Variants in RALYL observed in about 807,000 individuals in gnomAD.
RALYL encodes RNA-binding Raly-like protein.
In RALYL, 29 loss-of-function variants were observed where a neutral mutation model predicts 35.1. The observed-to-expected ratio is 0.83, with a 90% CI of 0.61 to 1.13. RALYL has a LOEUF of 1.13. Among genes scored for constraint, RALYL ranks in the 50% most tolerant of loss-of-function variants. The pLI is 0.00. For missense variants in RALYL, 359 were observed against 360.4 expected, an observed-to-expected ratio of 1.00 and a Z score of 0.03; for synonymous variants, 120 against 127.6, an observed-to-expected ratio of 0.94 and a Z score of 0.40.
chr8:84,459,499 G>C (rs1158398136), intron 1 of RALYL, among the ~76,000 whole-genome samples: 2 of 151,718 alleles, frequency 1.3e-5, no homozygotes, highest in African/African-American at 4.8e-5. Flanking sequence ...AGGTCATGTT[G>C]AGGAGTTTAT....
chr8:84,914,140 A>C lies in RALYL; in HGVS notation c.859-6754A>C, dbSNP rs189501056. 3.8e-3 allele frequency among the ~76,000 whole-genome samples: 585 copies of C among 152,106 alleles called. 9 individuals carry two copies. Among genetic ancestry groups the C allele is most frequent in the Non-Finnish European group, 2.6e-3 (176 of 67,900 alleles). On this transcript the variant is annotated intron_variant, in intron 8 of 8. Transcript: ENST00000521268. Reference sequence around the variant, plus strand: ...ATAAAATGATTTTTAAAATATTTCTACTTGTAGTACTTGTAGTGCTAAAAT... The same window carrying C: ...ATAAAATGATTTTTAAAATATTTCTCCTTGTAGTACTTGTAGTGCTAAAAT...
rs113563064 is a variant in RALYL, at chr8:84,914,768, T to A, written c.859-6126T>A. On this transcript the variant is annotated intron_variant, in intron 8 of 8. Coordinates refer to ENST00000521268, the MANE Select transcript of RALYL (RefSeq NM_173848.7). ...AGTTCAAAACAGAACTTAAAAAAAATTTAGACAGAACTACTACAAATCAGG... is the reference window on the plus strand; with the variant it reads ...AGTTCAAAACAGAACTTAAAAAAAAATTAGACAGAACTACTACAAATCAGG... Among the ~76,000 whole-genome samples the A allele has an allele frequency of 5.9e-4, 89 of 152,104 alleles. 1 individual carries two copies. Among genetic ancestry groups the A allele is most frequent in the African/African-American group, 2.0e-3 (84 of 41,520 alleles).
chr8:84,881,651 G>A (rs1842189207), intron 7 of RALYL, among the ~76,000 whole-genome samples: 1 of 151,884 alleles, frequency 6.6e-6, no homozygotes, highest in African/African-American at 2.4e-5. Context: ...TATGAGGATT[G>A]GAATTTAATA....
At chr8:84,509,852 T>C (rs538948916) in intron 1 of RALYL, among the ~76,000 whole-genome samples, 2 of 152,294 alleles carry the variant, frequency 1.3e-5, no homozygotes, top group Non-Finnish European at 2.9e-5. Flanking sequence ...ATTTCTGAGC[T>C]CTCTATTCTG....
At chr8:84,747,652 CAAA>C (rs1808931014) in intron 2 of RALYL, among the ~76,000 whole-genome samples, 1 of 151,806 alleles carries the variant, frequency 6.6e-6, no homozygotes, top group South Asian at 2.1e-4. Context: ...TCAGATAACT[CAAA>C]TAAACTAAAG....
At chr8:84,765,475 A>G (rs77649440) in intron 2 of RALYL, among the ~76,000 whole-genome samples, 3,121 of 152,234 alleles carry the variant, frequency 0.021, 106 homozygotes, top group African/African-American at 0.071. Flanking sequence ...AGTGAACTGA[A>G]CTAACAGTAC....
intron 1 of RALYL, among the ~76,000 whole-genome samples, chr8:84,422,499 G>A (rs1354765572): frequency 2.4e-5 from 2 of 82,812 alleles, no homozygotes; most frequent in African/African-American, 5.4e-5. Flanking sequence ...CAAAAAACCA[G>A]CTCCTGGATT....
chr8:84,436,011 T>C (rs938925619), intron 1 of RALYL, among the ~76,000 whole-genome samples: 6 of 152,158 alleles, frequency 3.9e-5, no homozygotes, highest in African/African-American at 1.2e-4. Context: ...GCTCAGGTGA[T>C]GGGTGCACCA....
intron 2 of RALYL, among the ~76,000 whole-genome samples, chr8:84,771,919 GA>G (rs753072378): frequency 9.9e-5 from 15 of 151,970 alleles, no homozygotes; most frequent in Non-Finnish European, 1.9e-4. Context: ...TCTGGTTTAA[GA>G]TTATCCTCCC....
chr8:84,634,783 TGGA>T (rs1023443295), intron 2 of RALYL, among the ~76,000 whole-genome samples: 1 of 151,698 alleles, frequency 6.6e-6, no homozygotes, highest in African/African-American at 2.4e-5. Context: ...TTCAAGGAGT[TGGA>T]GGAGGTCAAC....
intron 2 of RALYL, among the ~76,000 whole-genome samples, chr8:84,575,273 C>A (rs1282579342): frequency 6.6e-6 from 1 of 151,918 alleles, no homozygotes; most frequent in Non-Finnish European, 1.5e-5. Flanking sequence ...TAAACATAAA[C>A]ATAAAATCTT....
intron 4 of RALYL, among the ~76,000 whole-genome samples, chr8:84,848,454 T>C (rs1172040471): frequency 6.6e-6 from 1 of 151,760 alleles, no homozygotes; most frequent in African/African-American, 2.4e-5. Flanking sequence ...TATATATATG[T>C]ATATATCTCA....
intron 2 of RALYL, among the ~76,000 whole-genome samples, chr8:84,572,705 C>T (rs567048493): frequency 4.0e-5 from 6 of 151,710 alleles, no homozygotes; most frequent in South Asian, 4.1e-4. Context: ...CGTTAGAATA[C>T]GTGAAAGAGC....
Position 84,318,608 on chromosome 8 carries a change from G to T in RALYL, c.-24+134184G>T, listed in dbSNP as rs962387336. Among the ~76,000 whole-genome samples the T allele has an allele frequency of 7.9e-5, 12 of 151,792 alleles. No homozygotes were observed. In the East Asian group the frequency reaches 9.6e-4, roughly 12 times the overall value. ...CTCACTAATTTTCTTTTTCCTTCTT[G>T]TTATTGGCCATTTACTCAGGAAGTT... is the stretch of plus-strand genomic sequence containing the variant. On this transcript the variant is annotated intron_variant, in intron 1 of 8. Coordinates refer to ENST00000521268, the MANE Select transcript of RALYL (RefSeq NM_173848.7).
intron 2 of RALYL, among the ~76,000 whole-genome samples, chr8:84,662,730 T>C (rs1308078195): frequency 6.6e-6 from 1 of 152,178 alleles, no homozygotes; most frequent in African/African-American, 2.4e-5. Flanking sequence ...TATTTTAATA[T>C]AGTTTTAGAT....
At chr8:84,879,570 T>C (rs1437709424) in intron 7 of RALYL, among the ~76,000 whole-genome samples, 1 of 152,006 alleles carries the variant, frequency 6.6e-6, no homozygotes, top group East Asian at 1.9e-4. Context: ...ATAAAACTGA[T>C]CGAGAAGTAG....
intron 1 of RALYL, among the ~76,000 whole-genome samples, chr8:84,292,426 C>T (rs1054462960): frequency 5.3e-5 from 8 of 152,128 alleles, no homozygotes; most frequent in African/African-American, 1.4e-4. Context: ...GGGAGAAATG[C>T]CAGGGGCGTG....
chr8:84,903,967 T>C (rs531914863), intron 8 of RALYL, among the ~76,000 whole-genome samples: 1 of 152,320 alleles, frequency 6.6e-6, no homozygotes, highest in South Asian at 2.1e-4. Context: ...TCAGGCACCA[T>C]TGTAAGGGCT....
intron 7 of RALYL, among the ~76,000 whole-genome samples, chr8:84,877,937 T>C (rs1841484229): frequency 6.6e-6 from 1 of 152,154 alleles, no homozygotes; most frequent in Non-Finnish European, 1.5e-5. Context: ...AACACATGAA[T>C]TGAGCAGTGT....
Sources: allele counts gnomAD v4.1 joint callset (sites outside exome capture counted in the v4.1 genomes callset), GRCh38; gene constraint gnomAD v4.1.1; transcripts MANE v1.5; gene names NCBI Gene and HGNC (gene_info 2026-07-23, HGNC 2026-07-21).